FOXP1: variants seen among roughly 807,000 people sequenced by gnomAD.
FOXP1 encodes forkhead box protein P1.
A neutral mutation model predicts 98.2 loss-of-function variants in FOXP1; 15 were observed. The observed-to-expected ratio is 0.15, with a 90% CI of 0.10 to 0.24. FOXP1 has a LOEUF of 0.24. Among genes scored for constraint, FOXP1 ranks in the 10% least tolerant of loss-of-function variants. The pLI, the probability that FOXP1 is intolerant of heterozygous loss-of-function variation, is 1.00. For missense variants in FOXP1, 633 were observed against 848.5 expected (o/e 0.75, Z 3.15); for synonymous variants, 371 against 314.5 (o/e 1.18, Z -1.90).
chr3:71,424,674 C>A (rs928821368), intron 3 of FOXP1, among the ~76,000 whole-genome samples: 1 of 152,242 alleles, frequency 6.6e-6, no homozygotes, highest in Non-Finnish European at 1.5e-5. Flanking sequence ...CCACTAATTT[C>A]CAAGCCATCA....
intron 2 of FOXP1, among the ~76,000 whole-genome samples, chr3:71,525,537 T>C (rs1460644573): frequency 6.6e-6 from 1 of 152,188 alleles, no homozygotes; most frequent in African/African-American, 2.4e-5. Flanking sequence ...TTCTCATAGA[T>C]CACCACCTTT....
intron 7 of FOXP1, among the ~76,000 whole-genome samples, chr3:71,078,405 A>C (rs939800727): frequency 6.6e-6 from 1 of 152,130 alleles, no homozygotes; most frequent in Non-Finnish European, 1.5e-5. Flanking sequence ...CAATGATTAG[A>C]CTCTTCGAAA....
chr3:71,266,678 C>T (rs979166600), intron 5 of FOXP1, among the ~76,000 whole-genome samples: 1 of 152,130 alleles, frequency 6.6e-6, no homozygotes, highest in African/African-American at 2.4e-5. Flanking sequence ...GAACCCACTG[C>T]CCAAATAGGG....
intron 14 of FOXP1, among the ~76,000 whole-genome samples, 192 bp downstream of exon 14, chr3:70,987,802 T>C (rs969755428): frequency 3.9e-5 from 6 of 152,218 alleles, no homozygotes; most frequent in Non-Finnish European, 5.9e-5. Context: ...AATCATCCTG[T>C]ATCTCCCCAA....
chr3:71,481,755 T>C (rs2090294087), intron 3 of FOXP1, among the ~76,000 whole-genome samples: 1 of 152,198 alleles, frequency 6.6e-6, no homozygotes, highest in Non-Finnish European at 1.5e-5. Flanking sequence ...TTCTTACCTT[T>C]CTTGAGAAAC....
At chr3:71,263,384 T>C (rs1317723132) in intron 5 of FOXP1, among the ~76,000 whole-genome samples, 2 of 152,112 alleles carry the variant, frequency 1.3e-5, no homozygotes, top group East Asian at 1.9e-4. Context: ...GGGAATTGGG[T>C]TTTTATTGTT....
intron 17 of FOXP1, among the ~76,000 whole-genome samples, chr3:70,976,459 G>A (rs1488857943): frequency 6.6e-6 from 1 of 152,200 alleles, no homozygotes; most frequent in Non-Finnish European, 1.5e-5. Context: ...GCTAGTGCTT[G>A]GATTGCACAG....
intron 7 of FOXP1, among the ~76,000 whole-genome samples, chr3:71,082,467 G>C (rs1360684874): frequency 1.3e-5 from 2 of 150,896 alleles, no homozygotes; most frequent in Admixed American, 6.6e-5. Context: ...CACACACCGG[G>C]GCCTGTCAGG....
chr3:71,362,955 A>G (rs1387526610), intron 3 of FOXP1, among the ~76,000 whole-genome samples: 1 of 152,212 alleles, frequency 6.6e-6, no homozygotes, highest in African/African-American at 2.4e-5. Flanking sequence ...TGTCTTAAAA[A>G]GTGTTTTTTA....
chr3:71,397,316 TG>T (rs1432149722), intron 3 of FOXP1, among the ~76,000 whole-genome samples: 1 of 151,924 alleles, frequency 6.6e-6, no homozygotes, highest in Non-Finnish European at 1.5e-5. Flanking sequence ...TTAAGAAAGT[TG>T]CAAAAGAGCC....
At chr3:71,157,716 C>G (rs921421617) in intron 6 of FOXP1, among the ~76,000 whole-genome samples, 12 of 152,202 alleles carry the variant, frequency 7.9e-5, no homozygotes, top group African/African-American at 2.9e-4. Flanking sequence ...GAAATCTTTG[C>G]TAGTTAGAGG....
chr3:70,966,588 C>T (rs892865166), intron 19 of FOXP1, among the ~76,000 whole-genome samples: 23 of 152,004 alleles, frequency 1.5e-4, no homozygotes, highest in African/African-American at 5.6e-4. Context: ...TTATCTCCTC[C>T]CATCATTTCT....
chr3:71,168,117 T>C (rs1202983313), intron 6 of FOXP1, among the ~76,000 whole-genome samples: 5 of 152,192 alleles, frequency 3.3e-5, no homozygotes, highest in Admixed American at 3.3e-4. Context: ...AGGCTAATCA[T>C]AGGAATGACG....
intron 5 of FOXP1, among the ~76,000 whole-genome samples, chr3:71,244,210 C>T (rs746624430): frequency 6.6e-5 from 10 of 152,118 alleles, no homozygotes; most frequent in Admixed American, 2.0e-4. Context: ...CCAAACCTAA[C>T]GAGTCCATTC....
At position 71,582,466 on chromosome 3, in the gene FOXP1, G is replaced by GCAGGAGCTCTCGCCTCCTCA. The variant is rs1245151055; in HGVS notation, c.-446-770_-446-769insTGAGGAGGCGAGAGCTCCTG. The GCAGGAGCTCTCGCCTCCTCA allele has an allele frequency of 5.1e-6, 5 of 985,292 alleles. No individual in the cohort carries two copies. In the African/African-American group the frequency reaches 8.7e-5, roughly 17 times the overall value. 61.0% of individuals were successfully genotyped at this position (985,292 alleles called of 1,614,324 possible). On this transcript the variant is annotated intron_variant, in intron 1 of 20. Coordinates refer to ENST00000649528, the MANE Select transcript of FOXP1 (RefSeq NM_001349338.3). ...CGTCTCGGCGGGACAGGAATAGAGC[G>GCAGGAGCTCTCGCCTCCTCA]CAGGGAGCTCGGGAGGAAGGCTGCG...
At chr3:71,514,178 C>T (rs1342127749) in intron 2 of FOXP1, among the ~76,000 whole-genome samples, 6 of 152,196 alleles carry the variant, frequency 3.9e-5, no homozygotes, top group Non-Finnish European at 8.8e-5. Flanking sequence ...ACAGCAGCCT[C>T]CTGACTGCCC....
intron 2 of FOXP1, among the ~76,000 whole-genome samples, chr3:71,502,574 C>T (rs150704569): frequency 6.6e-6 from 1 of 152,164 alleles, no homozygotes; most frequent in South Asian, 2.1e-4. Context: ...CATCTTCACA[C>T]TAGAGAGGTG....
intron 2 of FOXP1, among the ~76,000 whole-genome samples, chr3:71,512,761 C>T (rs944875271): frequency 2.0e-5 from 3 of 152,162 alleles, no homozygotes; most frequent in Admixed American, 6.5e-5. Flanking sequence ...TTCTGTCCCA[C>T]ATCCTGGTGC....
chr3:71,449,607 T>G (rs906370220), intron 3 of FOXP1, among the ~76,000 whole-genome samples: 9 of 152,168 alleles, frequency 5.9e-5, no homozygotes, highest in Non-Finnish European at 1.0e-4. Context: ...CTCAACAACC[T>G]TTTCTTGTCC....
Sources: allele counts gnomAD v4.1 joint callset (sites outside exome capture counted in the v4.1 genomes callset), GRCh38; gene constraint gnomAD v4.1.1; transcripts MANE v1.5; gene names NCBI Gene and HGNC (gene_info 2026-07-23, HGNC 2026-07-21).